The following UGT1A6 variants were observed in gnomAD, a reference collection of about 807,000 sequenced individuals.
UGT1A6 encodes UDP glucuronosyltransferase family 1 member A6.
A neutral mutation model predicts 44.4 loss-of-function variants in UGT1A6; 32 were observed. The observed-to-expected ratio is 0.72, with a 90% CI of 0.54 to 0.97. The LOEUF (loss-of-function observed/expected upper bound fraction) is 0.97. Ranked by LOEUF, UGT1A6 falls within the 50% of genes least tolerant of loss-of-function variation. UGT1A6 has a pLI of 0.00. For synonymous variants in UGT1A6, 238 were observed against 248.5 expected (o/e 0.96, Z 0.40); for missense variants, 685 against 661.9 (o/e 1.03, Z -0.38).
chr2:233,757,543 T>C (rs1575752289), intron 1 of UGT1A6, among the ~76,000 whole-genome samples: 1 of 117,334 alleles, frequency 8.5e-6, no homozygotes, highest in African/African-American at 3.6e-5. Context: ...GGAATATATA[T>C]ATATATATAT....
At chr2:233,723,288 C>A (rs1349811182) in intron 1 of UGT1A6, among the ~76,000 whole-genome samples, 2 of 115,626 alleles carry the variant, frequency 1.7e-5, no homozygotes, top group Non-Finnish European at 3.4e-5. Flanking sequence ...TGGCTCACTG[C>A]AACCTCTGCC....
chr2:233,703,766 C>T (rs1275081349), intron 1 of UGT1A6, among the ~76,000 whole-genome samples: 1 of 151,886 alleles, frequency 6.6e-6, no homozygotes, highest in Non-Finnish European at 1.5e-5. Context: ...CTTCTGCAGA[C>T]AAGATATTAT....
Position 233,772,431 on chromosome 2 carries a change from A to T in UGT1A6, c.1471A>T (p.Ile491Phe). ...GTACCAGTACCATTCCTTGGACGTG[A>T]TTGGTTTCCTCTTGGCCGTCGTGCT... ...TWYQYHSLDV[I>F]GFLLAVVLTV... The change falls in exon 5 of 5, where the codon ATT becomes TTT. Residue 491 changes from isoleucine to phenylalanine, a missense_variant. Ile to Phe is a conservative substitution (Grantham distance 21, BLOSUM62 0). Coordinates refer to ENST00000305139, the MANE Select transcript of UGT1A6 (RefSeq NM_001072.4). 1 of 1,614,128 alleles carries T rather than the reference A, an allele frequency of 6.2e-7. No individual in the cohort carries two copies. Among genetic ancestry groups the T allele is most frequent in the Non-Finnish European group, 8.5e-7 (1 of 1,180,030 alleles).
intron 1 of UGT1A6, among the ~76,000 whole-genome samples, chr2:233,763,945 G>A (rs1405755046): frequency 6.6e-6 from 1 of 152,190 alleles, no homozygotes; most frequent in Non-Finnish European, 1.5e-5. Context: ...GGAAAGCTTG[G>A]GAGCAGGGAA....
intron 1 of UGT1A6, among the ~76,000 whole-genome samples, 196 bp from the exon 2 acceptor site, chr2:233,766,838 C>CCCTTCCTCCTTTAGAAG (rs1182719018): frequency 3.9e-5 from 6 of 152,156 alleles, no homozygotes; most frequent in African/African-American, 1.2e-4. Context: ...TAAGCAGGAA[C>CCCTTCCTCCTTTAGAAG]CCTTCCTCCT....
At position 233,729,868 on chromosome 2, in the gene UGT1A6, A is replaced by C. The variant is rs754430297; in HGVS notation, c.861+36003A>C. On this transcript the variant is annotated intron_variant, in intron 1 of 4. Coordinates refer to ENST00000305139, the MANE Select transcript of UGT1A6 (RefSeq NM_001072.4). ...TCAGAGAGAGGTGTCAGTGGTGGAT[A>C]TTCTCAGTCATGCATCTGTGTGGCT... is the stretch of plus-strand genomic sequence containing the variant. The C allele has an allele frequency of 2.6e-5, 42 of 1,613,556 alleles. No individual in the cohort carries two copies. The highest frequency in any genetic ancestry group is 8.3e-5 in the Admixed American group (5 of 59,972).
rs1481234082 is a variant in UGT1A6 at position 233,745,697 on chromosome 2, C to T, written c.862-21337C>T. Among the ~76,000 whole-genome samples the T allele has an allele frequency of 4.1e-5, 6 of 147,560 alleles. 1 individual carries two copies. Among genetic ancestry groups the T allele is most frequent in the East Asian group, 2.0e-4 (1 of 4,980 alleles). ...GGAACATCAAAGCAAGTTTGGAGAA[C>T]AACAAGTGATCCAGAATGGCTGGAG... is the stretch of plus-strand genomic sequence containing the variant. On this transcript the variant is annotated intron_variant, in intron 1 of 4. Coordinates refer to ENST00000305139, the MANE Select transcript of UGT1A6 (RefSeq NM_001072.4).
At chr2:233,692,272 C>T (rs1301139885), upstream of UGT1A6, 1 of 152,396 alleles carries the variant, frequency 6.6e-6, no homozygotes, top group Non-Finnish European at 1.5e-5. Context: ...TGTACTTTTT[C>T]CTCTGGCTAT....
chr2:233,701,991 G>A (rs1426208216), intron 1 of UGT1A6, among the ~76,000 whole-genome samples: 2 of 152,100 alleles, frequency 1.3e-5, no homozygotes, highest in African/African-American at 4.8e-5. Context: ...AAATAACTAA[G>A]ATCAGAGCAG....
intron 1 of UGT1A6, chr2:233,744,083 G>T: frequency 2.3e-6 from 1 of 437,754 alleles, no homozygotes; most frequent in South Asian, 2.0e-5. Flanking sequence ...CGCATCCCAA[G>T]ATGCAGTGCT....
intron 4 of UGT1A6, chr2:233,770,769 A>G (rs771897694): frequency 2.6e-5 from 4 of 152,220 alleles, no homozygotes; most frequent in Non-Finnish European, 2.9e-5. Flanking sequence ...CATTATAATA[A>G]TGTTTCCAAA....
chr2:233,713,956 A>G, intron 1 of UGT1A6: 1 of 1,608,152 alleles, frequency 6.2e-7, no homozygotes. Context: ...TTATCTTTCC[A>G]AAGATTTCAT....
At chr2:233,720,813 C>T (rs929586898) in intron 1 of UGT1A6, among the ~76,000 whole-genome samples, 31 of 151,162 alleles carry the variant, frequency 2.1e-4, no homozygotes, top group Non-Finnish European at 4.3e-4. Context: ...TTAAGAAATT[C>T]TCCCACCTCA....
At chr2:233,728,912 TC>T in intron 1 of UGT1A6, among the ~76,000 whole-genome samples, 1 of 148,378 alleles carries the variant, frequency 6.7e-6, no homozygotes, top group Non-Finnish European at 1.5e-5. Context: ...GACGTGTTTT[TC>T]AAGATAGTCA....
At chr2:233,705,684 C>T (rs760465489) in intron 1 of UGT1A6, among the ~76,000 whole-genome samples, 4 of 152,274 alleles carry the variant, frequency 2.6e-5, no homozygotes, top group African/African-American at 9.6e-5. Context: ...ATATTCACAA[C>T]GACTGGTATA....
At chr2:233,733,635 C>T (rs2078423363) in intron 1 of UGT1A6, among the ~76,000 whole-genome samples, 1 of 152,186 alleles carries the variant, frequency 6.6e-6, no homozygotes, top group African/African-American at 2.4e-5. Flanking sequence ...TTGAACCAGC[C>T]TTGCATCCCA....
intron 1 of UGT1A6, among the ~76,000 whole-genome samples, chr2:233,707,415 G>A (rs183543704): frequency 6.4e-4 from 97 of 151,948 alleles, no homozygotes; most frequent in East Asian, 3.1e-3. Context: ...TCTCTCCCTC[G>A]ACTATTTCTT....
chr2:233,754,994 G>A, intron 1 of UGT1A6: 2 of 1,293,996 alleles, frequency 1.5e-6, no homozygotes. Flanking sequence ...GGTCACGGAA[G>A]CTGAAGACCT....
At chr2:233,771,027 G>A (rs186703216) in intron 4 of UGT1A6, 2 of 152,078 alleles carry the variant, frequency 1.3e-5, no homozygotes, top group Admixed American at 6.6e-5. Context: ...GAGAGAGTTG[G>A]GGGGGAAGGT....
Sources: allele counts gnomAD v4.1 joint callset (sites outside exome capture counted in the v4.1 genomes callset), GRCh38; gene constraint gnomAD v4.1.1; transcripts MANE v1.5; gene names NCBI Gene and HGNC (gene_info 2026-07-23, HGNC 2026-07-21).